The following ABCA13 variants were observed in gnomAD, a reference collection of about 807,000 sequenced individuals.
ABCA13 encodes ATP binding cassette subfamily A member 13.
Under a neutral mutation model 478.7 loss-of-function variants are expected in ABCA13, and 476 were observed. The observed-to-expected ratio is 0.99, with a 90% CI of 0.92 to 1.07. ABCA13 has a LOEUF of 1.07. Among genes scored for constraint, ABCA13 ranks in the 50% least tolerant of loss-of-function variants. The pLI is 0.00. For synonymous variants in ABCA13, 2,252 were observed against 2,158.9 expected (o/e 1.04, Z -1.20); for missense variants, 6,060 against 5,910.6 (o/e 1.03, Z -0.83).
intron 59 of ABCA13, among the ~76,000 whole-genome samples, chr7:48,630,319 C>T (rs918899712): frequency 2.6e-5 from 4 of 152,118 alleles, no homozygotes; most frequent in Non-Finnish European, 4.4e-5. Flanking sequence ...TCCCATCCTC[C>T]ACCCTCAAGT....
chr7:48,261,105 T>A (rs1794119526), intron 15 of ABCA13, among the ~76,000 whole-genome samples: 1 of 151,940 alleles, frequency 6.6e-6, no homozygotes, highest in Non-Finnish European at 1.5e-5. Flanking sequence ...AGCATGCCAA[T>A]ATATTGACTC....
intron 58 of ABCA13, among the ~76,000 whole-genome samples, chr7:48,596,987 A>T (rs1298977663): frequency 2.0e-5 from 3 of 149,612 alleles, no homozygotes; most frequent in Admixed American, 1.3e-4. Context: ...AGTCTTGCTC[A>T]GTCACCCAGG....
At chr7:48,510,606 C>T (rs1004708773) in intron 50 of ABCA13, among the ~76,000 whole-genome samples, 1 of 152,060 alleles carries the variant, frequency 6.6e-6, no homozygotes, top group Non-Finnish European at 1.5e-5. Context: ...GTAGCTTCAC[C>T]CCGGAAACTT....
intron 48 of ABCA13, among the ~76,000 whole-genome samples, chr7:48,490,475 A>G (rs990870470): frequency 1.3e-5 from 2 of 152,230 alleles, no homozygotes; most frequent in Non-Finnish European, 2.9e-5. Context: ...GGTCTAGCTG[A>G]TAACAAACTC....
intron 33 of ABCA13, among the ~76,000 whole-genome samples, chr7:48,372,942 A>G (rs1812889092): frequency 6.6e-6 from 1 of 152,222 alleles, no homozygotes; most frequent in Non-Finnish European, 1.5e-5. Context: ...TGTACCTCCT[A>G]AAAACGTATG....
rs184725632 is a variant in ABCA13 at position 48,538,369 on chromosome 7, G to A, written c.14354+10024G>A. Among the ~76,000 whole-genome samples the A allele has an allele frequency of 1.1e-3, 174 of 151,974 alleles. 1 individual carries two copies. The highest frequency in any genetic ancestry group is 4.1e-3 in the African/African-American group (169 of 41,492). ...ACCCACCTCGACCTCCCAAAGAGCT[G>A]GGATTACAGGTGTGAGCCATCGCGC... On this transcript the variant is annotated intron_variant, in intron 55 of 61. Transcript: ENST00000435803.
Position 48,455,011 on chromosome 7 carries a change from C to T in ABCA13, c.12566-26C>T, listed in dbSNP as rs1825492771. 3.4e-6 allele frequency: 5 copies of T among 1,473,012 alleles called. No individual in the cohort carries two copies. The African/African-American group carries it at 4.2e-5, about 12-fold the overall frequency. 91.2% of individuals were successfully genotyped at this position (1,473,012 alleles called of 1,614,324 possible). On this transcript the variant is annotated intron_variant, in intron 42 of 61. Coordinates refer to ENST00000435803, the MANE Select transcript of ABCA13 (RefSeq NM_152701.5). ...GTCACCTCCGCAGAGCTGACCCAGC[C>T]GCCCTTCCTCCCGCCCGTCCTGCAG... is the stretch of plus-strand genomic sequence containing the variant.
At chr7:48,607,714 T>C (rs1791610991) in intron 58 of ABCA13, among the ~76,000 whole-genome samples, 1 of 152,146 alleles carries the variant, frequency 6.6e-6, no homozygotes, top group Non-Finnish European at 1.5e-5. Flanking sequence ...TTTTAGATAA[T>C]TGTAGCAGGT....
intron 19 of ABCA13, among the ~76,000 whole-genome samples, chr7:48,284,526 G>T (rs1209237514): frequency 6.6e-6 from 1 of 152,092 alleles, no homozygotes; most frequent in African/African-American, 2.4e-5. Flanking sequence ...GTTCTTGAAT[G>T]CTTATCTTCC....
chr7:48,293,171 T>C (rs1026353124), intron 20 of ABCA13, among the ~76,000 whole-genome samples: 3 of 148,420 alleles, frequency 2.0e-5, no homozygotes, highest in African/African-American at 7.4e-5. Flanking sequence ...TTAACGTTCA[T>C]CATTTCCTGA....
At chr7:48,578,373 G>A (rs1219966952) in intron 55 of ABCA13, among the ~76,000 whole-genome samples, 1 of 152,020 alleles carries the variant, frequency 6.6e-6, no homozygotes, top group Non-Finnish European at 1.5e-5. Context: ...TTTATATCAA[G>A]GTTTCAGGAT....
chr7:48,210,918 T>C (rs1785558886), intron 3 of ABCA13, among the ~76,000 whole-genome samples: 1 of 152,220 alleles, frequency 6.6e-6, no homozygotes. Flanking sequence ...AAATGATCTG[T>C]TCAATGCAAA....
chr7:48,387,310 G>C (rs1305576769), intron 35 of ABCA13, among the ~76,000 whole-genome samples: 8 of 152,072 alleles, frequency 5.3e-5, no homozygotes, highest in Non-Finnish European at 1.2e-4. Flanking sequence ...TGAATTTGGA[G>C]AATACTTTTG....
At chr7:48,304,149 T>G (rs1800558007) in intron 23 of ABCA13, among the ~76,000 whole-genome samples, 1 of 152,244 alleles carries the variant, frequency 6.6e-6, no homozygotes, top group East Asian at 1.9e-4. Flanking sequence ...TATCTATTAG[T>G]AATTTCTAAA....
chr7:48,632,502 G>C (rs1184152453), intron 59 of ABCA13, among the ~76,000 whole-genome samples: 1 of 152,158 alleles, frequency 6.6e-6, no homozygotes, highest in Admixed American at 6.5e-5. Context: ...CCGAGGTCAT[G>C]AAGATTTACC....
chr7:48,258,325 T>C (rs1463994514), intron 15 of ABCA13, among the ~76,000 whole-genome samples: 1 of 152,206 alleles, frequency 6.6e-6, no homozygotes, highest in Non-Finnish European at 1.5e-5. Context: ...TTTGTATGTT[T>C]CCAGGAATTC....
intron 15 of ABCA13, among the ~76,000 whole-genome samples, chr7:48,257,385 A>G (rs1260064426): frequency 6.6e-6 from 1 of 152,028 alleles, no homozygotes; most frequent in African/African-American, 2.4e-5. Context: ...TTACAGTTCT[A>G]AAGGGAAATT....
chr7:48,234,765 A>T lies in ABCA13; in HGVS notation c.897+614A>T, dbSNP rs552483641. Among the ~76,000 whole-genome samples, 12 of 152,272 alleles carry T rather than the reference A, an allele frequency of 7.9e-5. 1 individual carries two copies. Among genetic ancestry groups the T allele is most frequent in the Admixed American group, 7.8e-4 (12 of 15,304 alleles). ...CCATTTGTAGGCACTTCTGCTTTGC[A>T]TGGTGCAGGTCCAAGAACTATGCGG... is the stretch of plus-strand genomic sequence containing the variant. On this transcript the variant is annotated intron_variant, in intron 8 of 61. Transcript: ENST00000435803.
rs1329904951 is a variant in ABCA13, at chr7:48,274,333, A to G, written c.4667A>G (p.Lys1556Arg). 1 of 1,613,486 alleles carries G rather than the reference A, an allele frequency of 6.2e-7. No individual in the cohort carries two copies. The highest frequency in any genetic ancestry group is 1.7e-5 in the Admixed American group (1 of 59,990). The change falls in exon 17 of 62, where the codon AAG (lysine) becomes AGG (arginine). Residue 1556 changes from lysine to arginine, a missense_variant. Physicochemically the swap from Lys to Arg is conservative, Grantham distance 26. This residue lies in a region of ABCA13 where 4,423 missense variants were observed against 4,309.1 expected (regional missense o/e 1.03). Transcript: ENST00000435803. Reference protein sequence around the residue: ...HLITLGKEFQKLVKGIYFNIL... With the variant: ...HLITLGKEFQRLVKGIYFNIL... ...ATAACACTGGGGAAGGAATTTCAGA[A>G]GCTTGTAAAAGGTATTTACTTTAAC... is the stretch of plus-strand genomic sequence containing the variant.
Sources: allele counts gnomAD v4.1 joint callset (sites outside exome capture counted in the v4.1 genomes callset), GRCh38; gene constraint gnomAD v4.1.1; regional missense constraint gnomAD v4.1.1; transcripts MANE v1.5; gene names NCBI Gene and HGNC (gene_info 2026-07-23, HGNC 2026-07-21).